Variants in PDGFC observed in about 807,000 individuals in gnomAD.
PDGFC encodes the protein platelet derived growth factor C.
In PDGFC, 12 loss-of-function variants were observed where a neutral mutation model predicts 35.5. The observed-to-expected ratio is 0.34, with a 90% confidence interval of 0.22 to 0.55. The LOEUF (loss-of-function observed/expected upper bound fraction) is 0.55. PDGFC is among the 20% of genes least tolerant of loss of function. The probability of loss-of-function intolerance (pLI) is 0.91; values close to 1 mark genes in which losing one functional copy is unlikely to be tolerated. For synonymous variants in PDGFC, 159 were observed against 148.8 expected (o/e 1.07, Z -0.50); for missense variants, 322 against 412.4 (o/e 0.78, Z 1.90).
chr4:156,830,636 G>A (rs535287843), intron 2 of PDGFC, among the ~76,000 whole-genome samples: 47 of 152,250 alleles, frequency 3.1e-4, no homozygotes, highest in African/African-American at 1.1e-3. Flanking sequence ...GGTCAAGAAC[G>A]TACTTTATAT....
chr4:156,897,909 G>A (rs895399699), intron 1 of PDGFC, among the ~76,000 whole-genome samples: 1 of 152,218 alleles, frequency 6.6e-6, no homozygotes, highest in African/African-American at 2.4e-5. Flanking sequence ...CCATAAAGCT[G>A]TCCGTCTGCA....
At chr4:156,777,452 C>T (rs1198670270) in intron 3 of PDGFC, among the ~76,000 whole-genome samples, 2 of 152,174 alleles carry the variant, frequency 1.3e-5, no homozygotes, top group Admixed American at 1.3e-4. Context: ...AGGGTGGACC[C>T]TAATCTAACA....
intron 2 of PDGFC, among the ~76,000 whole-genome samples, chr4:156,820,341 AATCAAC>A (rs1391790038): frequency 6.6e-6 from 1 of 152,244 alleles, no homozygotes; most frequent in Non-Finnish European, 1.5e-5. Context: ...AGTAAGAATC[AATCAAC>A]ATGTCAAAGT....
chr4:156,853,795 C>G (rs1329864730), intron 1 of PDGFC, among the ~76,000 whole-genome samples: 1 of 151,916 alleles, frequency 6.6e-6, no homozygotes, highest in African/African-American at 2.4e-5. Context: ...AACCTTGTCT[C>G]TAGAAAAAAT....
chr4:156,868,420 A>G (rs1438693076), intron 1 of PDGFC, among the ~76,000 whole-genome samples: 1 of 152,194 alleles, frequency 6.6e-6, no homozygotes, highest in African/African-American at 2.4e-5. Flanking sequence ...ACTACCCATT[A>G]AGGATTATCT....
intron 2 of PDGFC, among the ~76,000 whole-genome samples, chr4:156,811,390 C>T (rs1579024443): frequency 6.6e-6 from 1 of 152,130 alleles, no homozygotes; most frequent in South Asian, 2.1e-4. Flanking sequence ...ATTATTACTG[C>T]CCTTTATTTT....
chr4:156,861,300 T>G (rs189838673), intron 1 of PDGFC: 102 of 320,778 alleles, frequency 3.2e-4, no homozygotes, highest in African/African-American at 2.0e-3. Flanking sequence ...AAGAGTATTG[T>G]ACTACCTAAA....
At chr4:156,860,293 T>A (rs551854104) in intron 1 of PDGFC, among the ~76,000 whole-genome samples, 1 of 152,266 alleles carries the variant, frequency 6.6e-6, no homozygotes, top group South Asian at 2.1e-4. Flanking sequence ...CACAAGAAGA[T>A]CTGAGTGTCC....
chr4:156,940,238 G>A (rs1398965925), intron 1 of PDGFC, among the ~76,000 whole-genome samples: 2 of 151,950 alleles, frequency 1.3e-5, no homozygotes, highest in African/African-American at 4.8e-5. Context: ...ATATTTCCAA[G>A]TATCCTGAAA....
intron 2 of PDGFC, among the ~76,000 whole-genome samples, chr4:156,840,572 C>T (rs1283551325): frequency 6.6e-6 from 1 of 152,158 alleles, no homozygotes; most frequent in East Asian, 1.9e-4. Context: ...ACAGAAAGTC[C>T]CCACTGGGGC....
intron 2 of PDGFC, among the ~76,000 whole-genome samples, chr4:156,846,071 T>TC (rs1366650105): frequency 6.6e-6 from 1 of 151,470 alleles, no homozygotes; most frequent in South Asian, 2.1e-4. Flanking sequence ...ACTGAAAACT[T>TC]CAAAAAAATG....
At chr4:156,930,000 T>G (rs1305183738) in intron 1 of PDGFC, among the ~76,000 whole-genome samples, 2 of 152,204 alleles carry the variant, frequency 1.3e-5, no homozygotes, top group Non-Finnish European at 2.9e-5. Context: ...TGGGTTGCCA[T>G]TCAATTCTGG....
At chr4:156,919,725 C>A (rs570572653) in intron 1 of PDGFC, among the ~76,000 whole-genome samples, 44 of 152,128 alleles carry the variant, frequency 2.9e-4, no homozygotes, top group Middle Eastern at 3.2e-3. Context: ...TGGATAGTGA[C>A]AAGACAGTAA....
intron 3 of PDGFC, among the ~76,000 whole-genome samples, chr4:156,802,988 C>A (rs1012370404): frequency 9.9e-5 from 15 of 152,172 alleles, no homozygotes; most frequent in African/African-American, 3.6e-4. Flanking sequence ...TAAATTGAGA[C>A]ACAGGAAGAC....
chr4:156,872,256 A>T (rs1283554762), intron 1 of PDGFC, among the ~76,000 whole-genome samples: 2 of 152,212 alleles, frequency 1.3e-5, no homozygotes, highest in African/African-American at 2.4e-5. Flanking sequence ...AATTTCAAAC[A>T]ATATGGCAAA....
intron 3 of PDGFC, among the ~76,000 whole-genome samples, chr4:156,809,666 C>A (rs1010557369): frequency 5.9e-5 from 9 of 151,436 alleles, no homozygotes; most frequent in African/African-American, 2.2e-4. Context: ...ATCCATATAA[C>A]TCCTTGGGTT....
chr4:156,860,319 G>A (rs1729679891), intron 1 of PDGFC, among the ~76,000 whole-genome samples: 1 of 152,094 alleles, frequency 6.6e-6, no homozygotes, highest in Admixed American at 6.6e-5. Flanking sequence ...TATGGCATTT[G>A]CACTGTTTAT....
chr4:156,901,719 G>T (rs1013420650), intron 1 of PDGFC, among the ~76,000 whole-genome samples: 3 of 152,014 alleles, frequency 2.0e-5, no homozygotes, highest in Admixed American at 6.6e-5. Context: ...GCCTCCTGGG[G>T]TCAGGTGATT....
chr4:156,862,559 G>A (rs969499905), intron 1 of PDGFC, among the ~76,000 whole-genome samples: 2 of 152,010 alleles, frequency 1.3e-5, no homozygotes, highest in Non-Finnish European at 2.9e-5. Context: ...TGGTCTGTGA[G>A]TTGATTTCAA....
Sources: allele counts gnomAD v4.1 joint callset (sites outside exome capture counted in the v4.1 genomes callset), GRCh38; gene constraint gnomAD v4.1.1; transcripts MANE v1.5; gene names NCBI Gene and HGNC (gene_info 2026-07-23, HGNC 2026-07-21).